Variants in IRF2 observed in about 807,000 individuals in gnomAD.
The protein encoded by IRF2 is interferon regulatory factor 2.
IRF2 carries 15 observed loss-of-function variants against 40.6 expected under a neutral mutation model. The observed-to-expected ratio is 0.37, with a 90% confidence interval of 0.25 to 0.57. The LOEUF is 0.57. Among genes scored for constraint, IRF2 ranks in the 20% least tolerant of loss-of-function variants. The pLI, the probability that IRF2 is intolerant of heterozygous loss-of-function variation, is 0.77. For missense variants in IRF2, 317 were observed against 455.7 expected, an observed-to-expected ratio of 0.70 and a Z score of 2.77; for synonymous variants, 151 against 165.5, an observed-to-expected ratio of 0.91 and a Z score of 0.67.
rs1738594434 is a variant in IRF2 at position 184,448,418 on chromosome 4, G to A, written c.-6-19348C>T. On this transcript the variant is annotated intron_variant, in intron 1 of 8. Coordinates refer to ENST00000393593, the MANE Select transcript of IRF2 (RefSeq NM_002199.4). The surrounding 1 kb of genome is among the most constrained non-coding windows in gnomAD (Gnocchi z 4.3). ...GAGGCTCTAAGCTTCATTTCCTGGG[G>A]GAGATGAGGAGTGATGGTCCATAAT... 6.6e-6 allele frequency among the ~76,000 whole-genome samples: 1 copy of A among 152,112 alleles called. No homozygotes were observed. Among genetic ancestry groups the A allele is most frequent in the South Asian group, 2.1e-4 (1 of 4,820 alleles).
chr4:184,433,057 C>T (rs1044486655), intron 1 of IRF2, among the ~76,000 whole-genome samples: 13 of 152,246 alleles, frequency 8.5e-5, no homozygotes, highest in Middle Eastern at 3.4e-3. Flanking sequence ...CCCAGAGACC[C>T]GGCTCACCCA....
At chr4:184,414,544 G>A (rs929468745) in intron 5 of IRF2, among the ~76,000 whole-genome samples, 10 of 152,184 alleles carry the variant, frequency 6.6e-5, no homozygotes, top group South Asian at 2.1e-4. Context: ...ACCAGTTACC[G>A]CCGCACAGGT....
chr4:184,472,943 A>T (rs1455529454), intron 1 of IRF2, among the ~76,000 whole-genome samples: 2 of 152,150 alleles, frequency 1.3e-5, no homozygotes, highest in Non-Finnish European at 1.5e-5. Context: ...ACGCACCCAG[A>T]CCGGGGGCCA....
chr4:184,418,377 G>T, intron 4 of IRF2, 155 bp downstream of exon 4: 5 of 954,636 alleles, frequency 5.2e-6, no homozygotes, highest in Non-Finnish European at 8.2e-6. Flanking sequence ...TGAATCGAAA[G>T]TCTTGTTTCC....
At chr4:184,432,507 A>G (rs1475902332) in intron 1 of IRF2, among the ~76,000 whole-genome samples, 1 of 152,250 alleles carries the variant, frequency 6.6e-6, no homozygotes, top group Non-Finnish European at 1.5e-5. Context: ...GAAAATACGT[A>G]TATTAGATAA....
intron 1 of IRF2, among the ~76,000 whole-genome samples, chr4:184,455,253 T>TCCCCCTTCCCG: frequency 2.8e-5 from 1 of 35,438 alleles, no homozygotes; most frequent in African/African-American, 1.0e-4. Flanking sequence ...TCCCCTCCCC[T>TCCCCCTTCCCG]CCCCCTTCCC....
intron 2 of IRF2, among the ~76,000 whole-genome samples, chr4:184,425,208 C>A (rs1737624092): frequency 6.6e-6 from 1 of 152,180 alleles, no homozygotes; most frequent in Non-Finnish European, 1.5e-5. Flanking sequence ...GACCTCAAAC[C>A]ACTCAAAATA....
At chr4:184,443,324 A>G (rs918165801) in intron 1 of IRF2, among the ~76,000 whole-genome samples, 1 of 152,188 alleles carries the variant, frequency 6.6e-6, no homozygotes, top group Non-Finnish European at 1.5e-5. Flanking sequence ...CAAGTAGTGA[A>G]CATAGTACCC....
chr4:184,469,630 G>A (rs192529950), intron 1 of IRF2, among the ~76,000 whole-genome samples: 1 of 152,264 alleles, frequency 6.6e-6, no homozygotes, highest in African/African-American at 2.4e-5. Flanking sequence ...AGCTATGATC[G>A]AGCCACCGCA....
intron 7 of IRF2, among the ~76,000 whole-genome samples, chr4:184,395,614 TAC>T (rs1353542923): frequency 6.6e-6 from 1 of 152,208 alleles, no homozygotes; most frequent in Non-Finnish European, 1.5e-5. Flanking sequence ...TAAAATTAGC[TAC>T]AGTCAGTAGC....
intron 7 of IRF2, among the ~76,000 whole-genome samples, chr4:184,393,918 C>A (rs1736350859): frequency 6.6e-6 from 1 of 152,200 alleles, no homozygotes; most frequent in Admixed American, 6.5e-5. Flanking sequence ...CCACCATTGC[C>A]ACTTCCACGC....
intron 1 of IRF2, among the ~76,000 whole-genome samples, chr4:184,462,531 T>C (rs1399187257): frequency 6.6e-6 from 1 of 152,218 alleles, no homozygotes; most frequent in African/African-American, 2.4e-5. Context: ...TGTTTGTTAA[T>C]AACAAAGTTA....
rs1231787020 is a variant in IRF2, at chr4:184,419,541, T to C, written c.115A>G (p.Met39Val). ...TCCCACCCATGTCTAGCCGCATGCA[T>C]CCAGGGGATCTGAAAAATCTTCTTT... ...KEKKIFQIPW[M>V]HAARHGWDVE... Residue 39 changes from methionine (M) to valine (V), a missense_variant, in exon 3 of 9, where the codon ATG (methionine) becomes GTG (valine). This residue lies in a region of IRF2 where 55 missense variants were observed against 121.7 expected (regional missense o/e 0.45). Coordinates refer to ENST00000393593, the MANE Select transcript of IRF2 (RefSeq NM_002199.4). 1.4e-6 allele frequency: 2 copies of C among 1,439,920 alleles called. No homozygotes were observed. The highest frequency in any genetic ancestry group is 1.9e-5 in the Admixed American group (1 of 53,308). The allele number at this position is 1,439,920 out of a possible 1,614,324, so 89.2% of individuals were successfully genotyped here. A position where few individuals can be genotyped will look rare whatever the true frequency, so the allele number is the denominator to read the frequency against.
Position 184,425,233 on chromosome 4 carries a change from C to A in IRF2, c.87+3745G>T, listed in dbSNP as rs556222311. On this transcript the variant is annotated intron_variant, in intron 2 of 8. Transcript: ENST00000393593. ...CACTCAAAATATAAACAAGGATTCC[C>A]AGGCAGAATGCTTGTGAATGGGAGG... Among the ~76,000 whole-genome samples, 3 of 152,336 alleles carry A rather than the reference C, an allele frequency of 2.0e-5. No homozygotes were observed. The East Asian group carries it at 5.8e-4, about 29-fold the overall frequency.
intron 2 of IRF2, among the ~76,000 whole-genome samples, chr4:184,423,172 T>G (rs1737542706): frequency 6.6e-6 from 1 of 152,216 alleles, no homozygotes; most frequent in South Asian, 2.1e-4. Flanking sequence ...TATGTGTGTG[T>G]AGACCCCGTG....
chr4:184,409,883 C>G (rs182822844), intron 5 of IRF2, among the ~76,000 whole-genome samples: 2 of 150,280 alleles, frequency 1.3e-5, no homozygotes, highest in Non-Finnish European at 3.0e-5. Flanking sequence ...GGTGACAGAG[C>G]GAGAGCCTGA....
At chr4:184,439,117 A>C (rs942462121) in intron 1 of IRF2, among the ~76,000 whole-genome samples, 2 of 152,204 alleles carry the variant, frequency 1.3e-5, no homozygotes, top group Non-Finnish European at 2.9e-5. Flanking sequence ...TCATTTAAGA[A>C]TGGGAGTCTC....
intron 6 of IRF2, 73 bp from the exon 7 acceptor site, chr4:184,399,152 T>C: frequency 6.7e-7 from 1 of 1,481,934 alleles, no homozygotes; most frequent in Non-Finnish European, 9.0e-7. Flanking sequence ...CAAGAAAGAG[T>C]CTTCCCCAAA....
At chr4:184,462,150 A>G (rs1215910189) in intron 1 of IRF2, among the ~76,000 whole-genome samples, 1 of 152,216 alleles carries the variant, frequency 6.6e-6, no homozygotes, top group Non-Finnish European at 1.5e-5. Context: ...TTCTTCTGTC[A>G]GTTGCAAATC....
Sources: gnomAD v4.1 joint callset for allele counts (sites outside exome capture counted in the v4.1 genomes callset) on GRCh38, gnomAD v4.1.1 for gene constraint, gnomAD v4.1.1 regional missense constraint, Gnocchi (gnomAD v3.1) non-coding constraint, MANE v1.5 for transcripts, NCBI Gene and HGNC (gene_info 2026-07-23, HGNC 2026-07-21) for gene names.